The following FOXP2 variants were observed in gnomAD, a reference collection of about 807,000 sequenced individuals.
FOXP2 encodes forkhead box protein P2.
A neutral mutation model predicts 115.8 loss-of-function variants in FOXP2; 12 were observed. That is an observed-to-expected ratio of 0.10 (90% CI 0.07 to 0.17). The LOEUF (loss-of-function observed/expected upper bound fraction) is 0.17, where lower values mean the gene tolerates loss of function less well. Ranked by LOEUF, FOXP2 falls within the 10% of genes least tolerant of loss-of-function variation. The pLI, the probability that FOXP2 is intolerant of heterozygous loss-of-function variation, is 1.00. For missense variants in FOXP2, 629 were observed against 843.5 expected, an observed-to-expected ratio of 0.75 and a Z score of 3.15; for synonymous variants, 328 against 297.7, an observed-to-expected ratio of 1.10 and a Z score of -1.05.
chr7:114,504,675 CATG>C, intron 2 of FOXP2, among the ~76,000 whole-genome samples: 1 of 151,690 alleles, frequency 6.6e-6, no homozygotes, highest in Admixed American at 6.6e-5. Flanking sequence ...GTCATGTCAA[CATG>C]ATAAGCATCT....
At chr7:114,347,946 G>A (rs1176567663) in intron 2 of FOXP2, among the ~76,000 whole-genome samples, 1 of 151,918 alleles carries the variant, frequency 6.6e-6, no homozygotes, top group South Asian at 2.1e-4. Flanking sequence ...ACTCTAAATG[G>A]TAAAACAATT....
chr7:114,604,256 C>T (rs941783839), intron 3 of FOXP2, among the ~76,000 whole-genome samples: 12 of 152,100 alleles, frequency 7.9e-5, no homozygotes, highest in Non-Finnish European at 1.2e-4. Context: ...TTTATGAGGA[C>T]ACGAATCCCA....
chr7:114,556,296 C>A (rs948955199), intron 3 of FOXP2, among the ~76,000 whole-genome samples: 2 of 152,138 alleles, frequency 1.3e-5, no homozygotes, highest in African/African-American at 4.8e-5. Context: ...CATGCAGTCT[C>A]TATTCCTCAT....
At chr7:114,562,781 TTTTC>T (rs1457375654) in intron 3 of FOXP2, among the ~76,000 whole-genome samples, 1 of 152,194 alleles carries the variant, frequency 6.6e-6, no homozygotes, top group South Asian at 2.1e-4. Context: ...CCTGTTTTTT[TTTTC>T]TTCATCATTA....
chr7:114,570,720 G>T, intron 3 of FOXP2: 1 of 1,012,988 alleles, frequency 9.9e-7, no homozygotes, highest in Non-Finnish European at 1.6e-6. Context: ...TCCAAAAAAT[G>T]ATTTTTAAAA....
intron 2 of FOXP2, among the ~76,000 whole-genome samples, chr7:114,401,149 G>A (rs568307648): frequency 2.0e-5 from 3 of 152,134 alleles, no homozygotes; most frequent in Admixed American, 6.5e-5. Flanking sequence ...TTGATAAAAC[G>A]GTTTTACAAG....
At chr7:114,401,422 T>C (rs1792884458) in intron 2 of FOXP2, among the ~76,000 whole-genome samples, 1 of 152,160 alleles carries the variant, frequency 6.6e-6, no homozygotes, top group Non-Finnish European at 1.5e-5. Flanking sequence ...ATCTCCTACT[T>C]GTCTTTTTCC....
chr7:114,337,799 C>G (rs1797895546), intron 2 of FOXP2, among the ~76,000 whole-genome samples: 1 of 151,064 alleles, frequency 6.6e-6, no homozygotes, highest in African/African-American at 2.4e-5. Flanking sequence ...TTTTAAAACC[C>G]CAATCTATTC....
chr7:114,401,622 C>T (rs143504841), intron 2 of FOXP2, among the ~76,000 whole-genome samples: 2 of 152,188 alleles, frequency 1.3e-5, no homozygotes, highest in African/African-American at 2.4e-5. Context: ...TTAGGTTGGA[C>T]CTGAAGGTCA....
At chr7:114,319,407 A>G (rs1409484647) in intron 2 of FOXP2, among the ~76,000 whole-genome samples, 2 of 152,240 alleles carry the variant, frequency 1.3e-5, no homozygotes, top group Non-Finnish European at 2.9e-5. Flanking sequence ...CCATTTTCAC[A>G]GAAAGCATAT....
intron 2 of FOXP2, among the ~76,000 whole-genome samples, chr7:114,459,250 A>G (rs979577734): frequency 6.6e-6 from 1 of 151,836 alleles, no homozygotes; most frequent in African/African-American, 2.4e-5. Context: ...GGGGAAATAG[A>G]CTCCATCTCT....
At chr7:114,667,853 T>A (rs1807256160) in intron 16 of FOXP2, 1 of 152,060 alleles carries the variant, frequency 6.6e-6, no homozygotes, top group African/African-American at 2.4e-5. Context: ...ATTCTGAAAT[T>A]GGGAGAGACT....
chr7:114,137,042 T>C (rs1412757936), intron 1 of FOXP2, among the ~76,000 whole-genome samples: 1 of 152,074 alleles, frequency 6.6e-6, no homozygotes, highest in African/African-American at 2.4e-5. Context: ...TAATGTGCTG[T>C]ATGAGTTTGC....
intron 6 of FOXP2, among the ~76,000 whole-genome samples, chr7:114,637,866 G>A (rs550526928): frequency 4.2e-4 from 64 of 152,134 alleles, no homozygotes; most frequent in Admixed American, 8.5e-4. Flanking sequence ...TTGCCTTAGT[G>A]TCCCCATCTC....
intron 1 of FOXP2, among the ~76,000 whole-genome samples, chr7:114,197,831 C>T: frequency 6.6e-6 from 1 of 151,448 alleles, no homozygotes; most frequent in East Asian, 1.9e-4. Context: ...ATAGTTACAG[C>T]ATTTTATAGC....
At chr7:114,610,012 G>T (rs1355220302) in intron 3 of FOXP2, among the ~76,000 whole-genome samples, 1 of 152,154 alleles carries the variant, frequency 6.6e-6, no homozygotes, top group Non-Finnish European at 1.5e-5. Flanking sequence ...TATATTACTT[G>T]CTGTCTGTGC....
intron 1 of FOXP2, among the ~76,000 whole-genome samples, chr7:114,123,170 G>A (rs1204105903): frequency 6.6e-6 from 1 of 151,904 alleles, no homozygotes; most frequent in African/African-American, 2.4e-5. Flanking sequence ...GGGCAACATA[G>A]TGAGACCCTG....
chr7:114,163,250 A>G (rs990398200), intron 1 of FOXP2, among the ~76,000 whole-genome samples: 2 of 152,162 alleles, frequency 1.3e-5, no homozygotes, highest in African/African-American at 4.8e-5. Context: ...GACAATACTT[A>G]CTAACATAAT....
At chr7:114,579,771 C>G (rs969758320) in intron 3 of FOXP2, among the ~76,000 whole-genome samples, 3 of 152,124 alleles carry the variant, frequency 2.0e-5, no homozygotes, top group African/African-American at 7.2e-5. Flanking sequence ...TAATTCCATT[C>G]AACACATATT....
Sources: gnomAD v4.1 joint callset for allele counts (sites outside exome capture counted in the v4.1 genomes callset) on GRCh38, gnomAD v4.1.1 for gene constraint, MANE v1.5 for transcripts, NCBI Gene and HGNC (gene_info 2026-07-23, HGNC 2026-07-21) for gene names.